CMYA5: variants seen among roughly 807,000 people sequenced by gnomAD.
CMYA5 encodes cardiomyopathy-associated protein 5.
In CMYA5, 246 loss-of-function variants were observed where a neutral mutation model predicts 318.9. That is an observed-to-expected ratio of 0.77 (90% CI 0.70 to 0.86). The LOEUF (loss-of-function observed/expected upper bound fraction) is 0.86. CMYA5 is among the 40% of genes least tolerant of loss of function. The pLI is 0.00. For synonymous variants in CMYA5, 1,641 were observed against 1,729.5 expected, an observed-to-expected ratio of 0.95 and a Z score of 1.27; for missense variants, 4,589 against 4,678.2, an observed-to-expected ratio of 0.98 and a Z score of 0.56.
rs770739364 is a variant in CMYA5 at position 79,731,182 on chromosome 5, A to G, written c.2417A>G (p.Asn806Ser). ...ATCTCCAAATATGCAGCCCCACTCA[A>G]TGCAACACAGGAATCTCAAAAGAAA... ...KLISKYAAPLNATQESQKKII... is the reference protein window; with the variant it reads ...KLISKYAAPLSATQESQKKII... Residue 806 changes from asparagine (N) to serine (S), a missense_variant, in exon 2 of 13, where the codon AAT becomes AGT. Coordinates refer to ENST00000446378, the MANE Select transcript of CMYA5 (RefSeq NM_153610.5). 23 of 1,613,904 alleles carry G rather than the reference A, an allele frequency of 1.4e-5. No individual in the cohort carries two copies. The African/African-American group carries it at 2.9e-4, about 21-fold the overall frequency.
intron 6 of CMYA5, among the ~76,000 whole-genome samples, chr5:79,755,191 G>T (rs866800907): frequency 6.6e-6 from 1 of 152,068 alleles, no homozygotes; most frequent in African/African-American, 2.4e-5. Flanking sequence ...CTCTTTTTGG[G>T]CACATTTCAT....
chr5:79,750,971 T>TG (rs1828418692), intron 5 of CMYA5, among the ~76,000 whole-genome samples: 1 of 152,146 alleles, frequency 6.6e-6, no homozygotes, highest in South Asian at 2.1e-4. Context: ...AGTGCATGTA[T>TG]GGGGCACCAT....
chr5:79,720,847 A>G (rs376672661), intron 1 of CMYA5, among the ~76,000 whole-genome samples: 4 of 152,184 alleles, frequency 2.6e-5, no homozygotes, highest in African/African-American at 9.7e-5. Context: ...CACCAGAGGA[A>G]ATACTAAAGG....
chr5:79,693,683 A>T (rs77633958), intron 1 of CMYA5, among the ~76,000 whole-genome samples: 1 of 152,090 alleles, frequency 6.6e-6, no homozygotes, highest in Admixed American at 6.5e-5. Flanking sequence ...AGTAGACCCC[A>T]GGTGTCTGGA....
chr5:79,771,140 G>A (rs1376139800), intron 9 of CMYA5, among the ~76,000 whole-genome samples: 1 of 151,448 alleles, frequency 6.6e-6, no homozygotes, highest in Admixed American at 6.6e-5. Context: ...AAGTACTTTA[G>A]GTATGTTGCC....
chr5:79,786,424 T>G (rs1229332371), intron 9 of CMYA5, among the ~76,000 whole-genome samples: 7 of 152,214 alleles, frequency 4.6e-5, no homozygotes, highest in Non-Finnish European at 8.8e-5. Flanking sequence ...CCAATCATAG[T>G]CACATCAGTC....
At chr5:79,766,904 G>A (rs1343493166) in intron 9 of CMYA5, among the ~76,000 whole-genome samples, 3 of 152,176 alleles carry the variant, frequency 2.0e-5, no homozygotes, top group East Asian at 1.9e-4. Flanking sequence ...TTGTACCTCT[G>A]GTAGAATTCG....
intron 1 of CMYA5, 40 bp downstream of exon 1, chr5:79,690,096 C>A (rs1307281716): frequency 7.2e-7 from 1 of 1,391,612 alleles, no homozygotes; most frequent in Admixed American, 3.5e-5. Flanking sequence ...GCCTGCAGGG[C>A]AGCTAGCAGC....
intron 9 of CMYA5, among the ~76,000 whole-genome samples, chr5:79,769,091 A>G (rs552586656): frequency 2.6e-5 from 4 of 151,766 alleles, no homozygotes; most frequent in South Asian, 2.1e-4. Context: ...TAATTTGGCT[A>G]TTGATACTTG....
chr5:79,735,963 A>T lies in CMYA5; in HGVS notation c.7198A>T (p.Ile2400Phe). The T allele has an allele frequency of 6.2e-7, 1 of 1,612,780 alleles. No individual in the cohort carries two copies. Among genetic ancestry groups the T allele is most frequent in the Non-Finnish European group, 8.5e-7 (1 of 1,179,542 alleles). ...TTCCTCCAACTTTGCAAGTAAAAAT[A>T]TCACAAAGGAATCAGAGAAACCAGA... ...SASSNFASKN[I>F]TKESEKPESI... Residue 2400 changes from isoleucine to phenylalanine, a missense_variant, in exon 2 of 13, where the codon ATC (isoleucine) becomes TTC (phenylalanine). Around this residue, in one of 3 missense-constraint regions of CMYA5, gnomAD observed 2,431 missense variants for 2,495.1 expected, o/e 0.97. Transcript: ENST00000446378.
intron 9 of CMYA5, 87 bp from the exon 10 acceptor site, chr5:79,788,884 A>C: frequency 1.5e-6 from 2 of 1,326,640 alleles, no homozygotes; most frequent in South Asian, 2.8e-5. Flanking sequence ...TTGCTAATAA[A>C]AGATGTTCAT....
At chr5:79,789,184 G>A (rs907692289) in intron 10 of CMYA5, 80 bp downstream of exon 10, 3 of 1,510,364 alleles carry the variant, frequency 2.0e-6, no homozygotes, top group Non-Finnish European at 2.7e-6. Flanking sequence ...GTCCTAGAGG[G>A]CAACTTTATA....
chr5:79,754,161 A>G (rs1270463236), intron 6 of CMYA5, among the ~76,000 whole-genome samples: 1 of 152,170 alleles, frequency 6.6e-6, no homozygotes, highest in Non-Finnish European at 1.5e-5. Flanking sequence ...CTGTTTCACA[A>G]AATTGGAGCC....
In CMYA5 at chr5:79,767,820, T is replaced by C. The variant is rs1580796904; in HGVS notation, c.11555+4611T>C. 2.0e-5 allele frequency among the ~76,000 whole-genome samples: 3 copies of C among 152,238 alleles called. No individual in the cohort carries two copies. In the South Asian group the frequency reaches 6.2e-4, roughly 31 times the overall value. On this transcript the variant is annotated intron_variant, in intron 9 of 12. Transcript: ENST00000446378. ...GAGTTCTGTAGATGTCTATTAGGTCTGCTTGGTCCAGAGCTGAGTTCAAGT... is the reference window on the plus strand; with the variant it reads ...GAGTTCTGTAGATGTCTATTAGGTCCGCTTGGTCCAGAGCTGAGTTCAAGT...
rs189000893 is a variant in CMYA5 at position 79,734,308 on chromosome 5, A to G, written c.5543A>G (p.Asp1848Gly). The change falls in exon 2 of 13, where the codon GAT (aspartate) becomes GGT (glycine). Residue 1848 changes from aspartate to glycine, a missense_variant. This residue lies in a region of CMYA5 where 2,132 missense variants were observed against 2,131.3 expected (regional missense o/e 1.00). Transcript: ENST00000446378. The part of the protein sequence containing the change: ...DVSTSSEDKQ[D>G]LGIKQFSLMR... ...AGCACCTCTTCTGAAGATAAACAAG[A>G]TCTGGGTATTAAGCAGTTTTCACTT... The G allele has an allele frequency of 6.2e-6, 10 of 1,613,772 alleles. No individual in the cohort carries two copies. The highest frequency in any genetic ancestry group is 5.0e-5 in the Admixed American group (3 of 59,978).
At chr5:79,754,644 TG>T (rs1360760516) in intron 6 of CMYA5, among the ~76,000 whole-genome samples, 5 of 148,296 alleles carry the variant, frequency 3.4e-5, no homozygotes, top group African/African-American at 1.3e-4. Context: ...TGCTGGCACC[TG>T]GGGATTTTTT....
chr5:79,757,570 G>A lies in CMYA5; in HGVS notation c.11111-1183G>A, dbSNP rs115668330. The stretch of plus-strand genomic sequence containing the variant: ...GTTGGAAAGAAAAAATGGGATAGTC[G>A]TTTCAGAAAGTGTATTTTGATATTT... On this transcript the variant is annotated intron_variant, in intron 6 of 12. Transcript: ENST00000446378. Among the ~76,000 whole-genome samples, 74 of 152,228 alleles carry A rather than the reference G, an allele frequency of 4.9e-4. 1 individual carries two copies. The highest frequency in any genetic ancestry group is 9.2e-4 in the Admixed American group (14 of 15,298).
In CMYA5 at chr5:79,734,761, A is replaced by T; in HGVS notation, c.5996A>T (p.Asn1999Ile). Residue 1999 changes from asparagine to isoleucine, a missense_variant, in exon 2 of 13, where the codon AAT becomes ATT. Around this residue, in one of 3 missense-constraint regions of CMYA5, gnomAD observed 2,431 missense variants for 2,495.1 expected, o/e 0.97. Coordinates refer to ENST00000446378, the MANE Select transcript of CMYA5 (RefSeq NM_153610.5). ...CCAAAGTCTTTAGTCCTAGCTGGAA[A>T]TGTAGAGAGAAACATAGCAGAGGGG... is the stretch of plus-strand genomic sequence containing the variant. ...EEPKSLVLAG[N>I]VERNIAEGKE... is the part of the protein sequence containing the mutation. 1 of 1,613,852 alleles carries T rather than the reference A, an allele frequency of 6.2e-7. No individual in the cohort carries two copies. The highest frequency in any genetic ancestry group is 8.5e-7 in the Non-Finnish European group (1 of 1,179,828).
At chr5:79,796,934 T>C (rs1829287566) in intron 12 of CMYA5, among the ~76,000 whole-genome samples, 1 of 152,234 alleles carries the variant, frequency 6.6e-6, no homozygotes, top group Non-Finnish European at 1.5e-5. Flanking sequence ...TATGCAATGT[T>C]GATAAAATAT....
Sources: gnomAD v4.1 joint callset for allele counts (sites outside exome capture counted in the v4.1 genomes callset) on GRCh38, gnomAD v4.1.1 for gene constraint, gnomAD v4.1.1 regional missense constraint, MANE v1.5 for transcripts, NCBI Gene and HGNC (gene_info 2026-07-23, HGNC 2026-07-21) for gene names.